Variants in KANK3 observed in about 807,000 individuals in gnomAD.
The protein encoded by KANK3 is KN motif and ankyrin repeat domains 3, also known as KN motif and ankyrin repeat domain-containing protein 3.
KANK3 carries 61 observed loss-of-function variants against 65.4 expected under a neutral mutation model. The observed-to-expected ratio is 0.93, with a 90% CI of 0.76 to 1.15. KANK3 has a LOEUF of 1.15. Ranked by LOEUF, KANK3 falls within the 50% of genes most tolerant of loss-of-function variation. The pLI is 0.00. For synonymous variants in KANK3, 586 were observed against 543.3 expected (o/e 1.08, Z -1.09); for missense variants, 1,187 against 1,178.8 (o/e 1.01, Z -0.10).
At position 8,334,635 on chromosome 19, in the gene KANK3, G is replaced by A. The variant is rs1442516858; in HGVS notation, c.1192C>T (p.Arg398Cys). The change falls in exon 3 of 11, where the codon CGC becomes TGC. Residue 398 changes from arginine to cysteine, a missense_variant. Arg to Cys is a radical substitution (Grantham distance 180, BLOSUM62 -3). Transcript: ENST00000330915. ...EAAAGARAQL[R>C]EATTQTPWSC... ...CACGGGGTCTGGGTGGTGGCCTCGC[G>A]TAGCTGGGCCCGGGCCCCCGCCGCT... is the stretch of plus-strand genomic sequence containing the variant. The A allele has an allele frequency of 3.2e-6, 5 of 1,543,986 alleles. No homozygotes were observed. Among genetic ancestry groups the A allele is most frequent in the Non-Finnish European group, 4.3e-6 (5 of 1,151,934 alleles).
chr19:8,335,205 G>A lies in KANK3; in HGVS notation c.622C>T (p.Pro208Ser). 1 of 1,219,482 alleles carries A rather than the reference G, an allele frequency of 8.2e-7. No individual in the cohort carries two copies. The highest frequency in any genetic ancestry group is 1.0e-6 in the Non-Finnish European group (1 of 979,928). The allele number at this position is 1,219,482 out of a possible 1,614,324, so 75.5% of individuals were successfully genotyped here. ...GCGCGCACCTGCTCCTGCAGCTCGG[G>A]CAGCGTTCGCGCCTGGTCCTCGAGC... ...RELEDQARTL[P>S]ELQEQVRALR... Residue 208 changes from proline to serine, a missense_variant, in exon 3 of 11, where the codon CCC becomes TCC. Coordinates refer to ENST00000330915, the MANE Select transcript of KANK3 (RefSeq NM_198471.3).
chr19:8,337,743 G>A (rs1970666555), intron 2 of KANK3, 52 bp downstream of exon 2: 11 of 1,596,946 alleles, frequency 6.9e-6, no homozygotes, highest in African/African-American at 1.3e-5. Context: ...GGCATCAAGC[G>A]TTTCTCTGTG....
In KANK3 at chr19:8,337,680, A is replaced by G. The variant is rs532294410; in HGVS notation, c.34+115T>C. On this transcript the variant is annotated intron_variant, in intron 2 of 10. Coordinates refer to ENST00000330915, the MANE Select transcript of KANK3 (RefSeq NM_198471.3). Reference sequence around the variant, plus strand: ...GCCATAGGTGGTTTAAAGCAGGCTCATGACATTGGAGAGGACTGCACTCTA... The same window carrying G: ...GCCATAGGTGGTTTAAAGCAGGCTCGTGACATTGGAGAGGACTGCACTCTA... The G allele has an allele frequency of 1.0e-3, 1,278 of 1,261,202 alleles. 8 individuals carry two copies. In the African/African-American group the frequency reaches 0.017, roughly 17 times the overall value. The allele number at this position is 1,261,202 out of a possible 1,614,324, so 78.1% of individuals were successfully genotyped here. A position where few individuals can be genotyped will look rare whatever the true frequency, so the allele number is the denominator to read the frequency against.
intron 7 of KANK3, among the ~76,000 whole-genome samples, chr19:8,330,389 G>C (rs1299374947): frequency 1.3e-5 from 2 of 152,172 alleles, no homozygotes; most frequent in Admixed American, 1.3e-4. Context: ...GAGGTCAGGA[G>C]TTCAAGACCA....
In KANK3 at chr19:8,325,085, C is replaced by T; in HGVS notation, c.1948G>A (p.Val650Ile). Reference protein sequence around the residue: ...SLLLDTGACEVNRQNRAGYSA... With the variant: ...SLLLDTGACEINRQNRAGYSA... Reference sequence around the variant, plus strand: ...TAGCCGGCTCGGTTCTGGCGGTTGACCTCGCAGGCCCCTGGGAGAGAAAAG... The same window carrying T: ...TAGCCGGCTCGGTTCTGGCGGTTGATCTCGCAGGCCCCTGGGAGAGAAAAG... The change falls in exon 8 of 11, where the codon GTC (valine) becomes ATC (isoleucine). Residue 650 changes from valine (V) to isoleucine (I), a missense_variant. Coordinates refer to ENST00000330915, the MANE Select transcript of KANK3 (RefSeq NM_198471.3). 1 of 1,612,090 alleles carries T rather than the reference C, an allele frequency of 6.2e-7. No homozygotes were observed. The highest frequency in any genetic ancestry group is 2.2e-5 in the East Asian group (1 of 44,878).
At chr19:8,326,250 T>C (rs1244624165) in intron 7 of KANK3, among the ~76,000 whole-genome samples, 2 of 151,878 alleles carry the variant, frequency 1.3e-5, no homozygotes, top group Non-Finnish European at 2.9e-5. Context: ...GCCAATGTGG[T>C]GAACCCCATC....
intron 1 of KANK3, among the ~76,000 whole-genome samples, chr19:8,339,834 T>C (rs1375099755): frequency 6.6e-6 from 1 of 151,950 alleles, no homozygotes; most frequent in African/African-American, 2.4e-5. Flanking sequence ...TGTGTTGGCA[T>C]GCACCTGTAG....
chr19:8,329,523 A>AAAAAG (rs1427394985), intron 7 of KANK3, among the ~76,000 whole-genome samples: 3 of 149,470 alleles, frequency 2.0e-5, no homozygotes, highest in African/African-American at 7.4e-5. Context: ...AAAAAAGACT[A>AAAAAG]ACTATAGAAT....
At chr19:8,329,740 T>C (rs544007119) in intron 7 of KANK3, among the ~76,000 whole-genome samples, 13 of 152,262 alleles carry the variant, frequency 8.5e-5, no homozygotes, top group Non-Finnish European at 1.2e-4. Context: ...TCCATACACC[T>C]TGGGCAGCCT....
At chr19:8,339,697 C>T (rs1221480015) in intron 1 of KANK3, among the ~76,000 whole-genome samples, 3 of 151,906 alleles carry the variant, frequency 2.0e-5, no homozygotes, top group Non-Finnish European at 2.9e-5. Flanking sequence ...AATAGTGAAA[C>T]CACCAAGCAC....
chr19:8,327,726 T>G (rs1361575863), intron 7 of KANK3, among the ~76,000 whole-genome samples: 2 of 151,954 alleles, frequency 1.3e-5, no homozygotes, highest in Non-Finnish European at 2.9e-5. Context: ...CCTGGGAGGT[T>G]GAGGCTGCAT....
intron 7 of KANK3, among the ~76,000 whole-genome samples, chr19:8,326,813 A>AC (rs1161974992): frequency 6.6e-6 from 1 of 151,662 alleles, no homozygotes; most frequent in Non-Finnish European, 1.5e-5. Context: ...AAAAAAAAAA[A>AC]AACCTGCCAA....
intron 7 of KANK3, among the ~76,000 whole-genome samples, chr19:8,332,345 T>G (rs1424945236): frequency 6.6e-6 from 1 of 151,750 alleles, no homozygotes; most frequent in Non-Finnish European, 1.5e-5. Context: ...ACCCAGCTAA[T>G]TTTTGTATTT....
intron 7 of KANK3, among the ~76,000 whole-genome samples, chr19:8,331,495 T>C (rs1025357873): frequency 7.2e-5 from 11 of 152,154 alleles, no homozygotes; most frequent in Non-Finnish European, 1.5e-4. Context: ...CGCCTCAACC[T>C]GCAGTTAGTA....
In KANK3 at chr19:8,335,652, G is replaced by A. The variant is rs1299042231; in HGVS notation, c.175C>T (p.Pro59Ser). 2.4e-6 allele frequency: 3 copies of A among 1,249,356 alleles called. No homozygotes were observed. Among genetic ancestry groups the A allele is most frequent in the Non-Finnish European group, 2.0e-6 (2 of 993,964 alleles). The allele number at this position is 1,249,356 out of a possible 1,614,324, so 77.4% of individuals were successfully genotyped here. The change falls in exon 3 of 11, where the codon CCC (proline) becomes TCC (serine). Residue 59 changes from proline to serine, a missense_variant. Physicochemically the swap from Pro to Ser is moderately conservative, Grantham distance 74. This residue lies in a region of KANK3 where 104 missense variants were observed against 122.1 expected (regional missense o/e 0.85). Transcript: ENST00000330915. The part of the protein sequence containing the change: ...LKYIEELERG[P>S]AARRAPGPPT... ...GGTCCCGGGGCGCGGCGGGCAGCGGGGCCACGCTCCAGCTCCTCTATGTAC... is the reference window on the plus strand; with the variant it reads ...GGTCCCGGGGCGCGGCGGGCAGCGGAGCCACGCTCCAGCTCCTCTATGTAC...
In KANK3 at chr19:8,334,834, G is replaced by A. The variant is rs1490512282; in HGVS notation, c.993C>T (p.Pro331=). 2.0e-6 allele frequency: 3 copies of A among 1,478,174 alleles called. No individual in the cohort carries two copies. Among genetic ancestry groups the A allele is most frequent in the South Asian group, 1.3e-5 (1 of 78,198 alleles). The allele number at this position is 1,478,174 out of a possible 1,614,324, so 91.6% of individuals were successfully genotyped here. The change falls in exon 3 of 11, where the codon CCC becomes CCT. Residue 331 remains proline, a synonymous_variant. Coordinates refer to ENST00000330915, the MANE Select transcript of KANK3 (RefSeq NM_198471.3). ...CCCACGCGTCCGCCTCCACGGTCTC[G>A]GGGGCAGCCTCCACGCCGGCCTCCC... ...ETREAGVEAA[P]ETVEADAWVT...
At chr19:8,341,343 G>C (rs1451308780) in intron 1 of KANK3, among the ~76,000 whole-genome samples, 1 of 150,822 alleles carries the variant, frequency 6.6e-6, no homozygotes, top group East Asian at 1.9e-4. Flanking sequence ...ATCCGCCTCA[G>C]CCTCACAAAT....
chr19:8,338,347 A>G (rs1970677829), intron 1 of KANK3, among the ~76,000 whole-genome samples: 1 of 152,044 alleles, frequency 6.6e-6, no homozygotes, highest in Non-Finnish European at 1.5e-5. Context: ...GATGGAATGA[A>G]TGATCCCCAG....
rs1346114790 is a variant in KANK3, at chr19:8,335,768, G to C, written c.59C>G (p.Pro20Arg). ...LPDLGGPRLCPVPAAGGARSP... is the reference protein window; with the variant it reads ...LPDLGGPRLCRVPAAGGARSP... ...GCGTGCGCCCCCGGCGGCGGGGACCGGGCACAGGCGGGGGCCGCCCAGGTC... is the reference window on the plus strand; with the variant it reads ...GCGTGCGCCCCCGGCGGCGGGGACCCGGCACAGGCGGGGGCCGCCCAGGTC... The change falls in exon 3 of 11, where the codon CCG becomes CGG. Residue 20 changes from proline to arginine, a missense_variant. Pro to Arg is a moderately radical substitution (Grantham distance 103). Transcript: ENST00000330915. The C allele has an allele frequency of 1.6e-6, 2 of 1,239,538 alleles. No homozygotes were observed. The highest frequency in any genetic ancestry group is 1.0e-6 in the Non-Finnish European group (1 of 988,714). The allele number at this position is 1,239,538 out of a possible 1,614,324, so 76.8% of individuals were successfully genotyped here.
Sources: gnomAD v4.1 joint callset for allele counts (sites outside exome capture counted in the v4.1 genomes callset) on GRCh38, gnomAD v4.1.1 for gene constraint, gnomAD v4.1.1 regional missense constraint, MANE v1.5 for transcripts, NCBI Gene and HGNC (gene_info 2026-07-23, HGNC 2026-07-21) for gene names.